The following DNAI4 variants were observed in gnomAD, a reference collection of about 807,000 sequenced individuals.
The protein encoded by DNAI4 is WD repeat domain 78.
Under a neutral mutation model 105.8 loss-of-function variants are expected in DNAI4, and 85 were observed. That is an observed-to-expected ratio of 0.80 (90% CI 0.67 to 0.96). DNAI4 has a LOEUF of 0.96. Ranked by LOEUF, DNAI4 falls within the 40% of genes least tolerant of loss-of-function variation. The pLI is 0.00. For synonymous variants in DNAI4, 352 were observed against 331.5 expected (o/e 1.06, Z -0.67); for missense variants, 1,014 against 1,005.6 (o/e 1.01, Z -0.11).
intron 2 of DNAI4, among the ~76,000 whole-genome samples, chr1:66,893,950 C>G (rs1023009828): frequency 6.6e-6 from 1 of 152,066 alleles, no homozygotes; most frequent in African/African-American, 2.4e-5. Context: ...ACATTACTCA[C>G]GAATTTGTGG....
At chr1:66,914,716 A>G (rs1052898763) in intron 1 of DNAI4, among the ~76,000 whole-genome samples, 6 of 151,630 alleles carry the variant, frequency 4.0e-5, no homozygotes, top group Non-Finnish European at 1.5e-5. Context: ...GAAAAAATGA[A>G]AAAAAAAAGG....
At chr1:66,817,374 A>G (rs138313873) in intron 16 of DNAI4, among the ~76,000 whole-genome samples, 7 of 152,288 alleles carry the variant, frequency 4.6e-5, no homozygotes, top group African/African-American at 9.6e-5. Flanking sequence ...GGAGTTCGAG[A>G]TGAGTCTGGA....
At chr1:66,861,667 A>AT (rs1646628745) in intron 7 of DNAI4, among the ~76,000 whole-genome samples, 1 of 152,128 alleles carries the variant, frequency 6.6e-6, no homozygotes, top group Non-Finnish European at 1.5e-5. Context: ...GTACTGAAAG[A>AT]TTTTTTGCAG....
rs1032476251 is a variant in DNAI4, at chr1:66,819,956, T to C, written c.2496+2405A>G. Reference sequence around the variant, plus strand: ...TGAGGCTACATTTAGAATTGGAGGCTTATGGACAAAAGAAGAAAAAAAGAT... The same window carrying C: ...TGAGGCTACATTTAGAATTGGAGGCCTATGGACAAAAGAAGAAAAAAAGAT... On this transcript the variant is annotated intron_variant, in intron 16 of 16. Coordinates refer to ENST00000371026, the MANE Select transcript of DNAI4 (RefSeq NM_024763.5). Among the ~76,000 whole-genome samples the C allele has an allele frequency of 2.6e-5, 4 of 152,218 alleles. No homozygotes were observed. The East Asian group carries it at 5.8e-4, about 22-fold the overall frequency.
intron 13 of DNAI4, among the ~76,000 whole-genome samples, chr1:66,829,613 A>T (rs1645826541): frequency 6.6e-6 from 1 of 152,214 alleles, no homozygotes; most frequent in Non-Finnish European, 1.5e-5. Context: ...ACAAATCTAC[A>T]ATTATGGTTG....
rs1466267362 is a variant in DNAI4 at position 66,826,965 on chromosome 1, A to G, written c.2194T>C (p.Trp732Arg). The change falls in exon 15 of 17, where the codon TGG (tryptophan) becomes CGG (arginine). Residue 732 changes from tryptophan to arginine, a missense_variant. Coordinates refer to ENST00000371026, the MANE Select transcript of DNAI4 (RefSeq NM_024763.5). ...SCSADWGVII[W>R]QQENVKPSLS... Reference sequence around the variant, plus strand: ...GATGGCTTGACATTCTCCTGTTGCCATATAATAACACCCCAATCTGCAGAA... The same window carrying G: ...GATGGCTTGACATTCTCCTGTTGCCGTATAATAACACCCCAATCTGCAGAA... 6.2e-7 allele frequency: 1 copy of G among 1,614,188 alleles called. No homozygotes were observed. Among genetic ancestry groups the G allele is most frequent in the Admixed American group, 1.7e-5 (1 of 60,022 alleles).
intron 1 of DNAI4, among the ~76,000 whole-genome samples, chr1:66,917,504 T>C (rs1650155375): frequency 6.6e-6 from 1 of 152,162 alleles, no homozygotes; most frequent in Non-Finnish European, 1.5e-5. Context: ...AGCTGAAGTG[T>C]TCATGACTAT....
chr1:66,886,498 T>G (rs1012574549), intron 4 of DNAI4, among the ~76,000 whole-genome samples: 1 of 152,230 alleles, frequency 6.6e-6, no homozygotes, highest in Admixed American at 6.5e-5. Flanking sequence ...TTTGGTTGTG[T>G]TTAATGTTGT....
At chr1:66,814,542 G>A (rs1167947092) in intron 16 of DNAI4, among the ~76,000 whole-genome samples, 2 of 152,080 alleles carry the variant, frequency 1.3e-5, no homozygotes, top group Admixed American at 6.5e-5. Context: ...CTAATTTTTT[G>A]TATTTTTAGT....
chr1:66,844,570 G>GAATAAATA (rs1051912537), intron 8 of DNAI4, among the ~76,000 whole-genome samples: 88 of 151,672 alleles, frequency 5.8e-4, no homozygotes, highest in African/African-American at 2.1e-3. Flanking sequence ...CTCAAAAAAT[G>GAATAAATA]AATAAATAAA....
chr1:66,843,366 AT>A (rs1227041695), intron 8 of DNAI4, among the ~76,000 whole-genome samples: 1 of 152,036 alleles, frequency 6.6e-6, no homozygotes, highest in African/African-American at 2.4e-5. Flanking sequence ...TCTTTTGCCC[AT>A]TTTAATCATG....
chr1:66,911,657 C>G (rs186706768), intron 1 of DNAI4, among the ~76,000 whole-genome samples: 1 of 152,316 alleles, frequency 6.6e-6, no homozygotes, highest in East Asian at 1.9e-4. Context: ...TACAATATCA[C>G]AGTACATAAT....
intron 8 of DNAI4, among the ~76,000 whole-genome samples, chr1:66,843,657 A>G (rs1297763016): frequency 6.6e-6 from 1 of 152,126 alleles, no homozygotes; most frequent in Non-Finnish European, 1.5e-5. Flanking sequence ...TAGGAGTTTT[A>G]TAGTTTTGCA....
chr1:66,851,284 A>G (rs1646392286), intron 7 of DNAI4, among the ~76,000 whole-genome samples: 1 of 151,912 alleles, frequency 6.6e-6, no homozygotes, highest in Admixed American at 6.6e-5. Context: ...TACCAAGAAG[A>G]CATAGCAATA....
In DNAI4 at chr1:66,847,560, A is replaced by G. The variant is rs1646304082; in HGVS notation, c.1215T>C (p.Phe405=). 7 of 1,614,046 alleles carry G rather than the reference A, an allele frequency of 4.3e-6. No homozygotes were observed. Among genetic ancestry groups the G allele is most frequent in the Non-Finnish European group, 5.9e-6 (7 of 1,179,980 alleles). Residue 405 remains phenylalanine (F), a synonymous_variant, in exon 8 of 17, where the codon TTT becomes TTC. Coordinates refer to ENST00000371026, the MANE Select transcript of DNAI4 (RefSeq NM_024763.5). ...LKSDKFHQDL[F]FMERVLMENI... ...TTTCCATCAGAACCCGTTCCATAAA[A>G]AATAAGTCCTGATGAAATTTGTCAG...
chr1:66,844,880 C>G (rs1388118792), intron 8 of DNAI4, among the ~76,000 whole-genome samples: 1 of 151,978 alleles, frequency 6.6e-6, no homozygotes, highest in Admixed American at 6.6e-5. Flanking sequence ...AAAATAAGCT[C>G]TTACAACTTG....
At chr1:66,857,341 T>TG (rs1176802901) in intron 7 of DNAI4, among the ~76,000 whole-genome samples, 1 of 53,772 alleles carries the variant, frequency 1.9e-5, no homozygotes, top group Non-Finnish European at 3.3e-5. Flanking sequence ...TGTTGTGGGG[T>TG]GGGGGGAGGG....
intron 10 of DNAI4, among the ~76,000 whole-genome samples, chr1:66,836,217 AG>A (rs757317336): frequency 0.027 from 3,023 of 112,700 alleles, 250 homozygotes; most frequent in African/African-American, 0.052. Flanking sequence ...AGAGAGAGAG[AG>A]AGAGAGAGAG....
chr1:66,832,035 A>G (rs1645876677), intron 13 of DNAI4, among the ~76,000 whole-genome samples: 2 of 152,152 alleles, frequency 1.3e-5, no homozygotes, highest in Non-Finnish European at 2.9e-5. Context: ...TCCCAGAGAT[A>G]CTGGTAGCCC....
Sources: gnomAD v4.1 joint callset for allele counts (sites outside exome capture counted in the v4.1 genomes callset) on GRCh38, gnomAD v4.1.1 for gene constraint, MANE v1.5 for transcripts, NCBI Gene and HGNC (gene_info 2026-07-23, HGNC 2026-07-21) for gene names.